Variants in MYCBP2 observed in about 807,000 individuals in gnomAD.
The protein encoded by MYCBP2 is E3 ubiquitin-protein ligase MYCBP2.
A neutral mutation model predicts 525.3 loss-of-function variants in MYCBP2; 120 were observed. The observed-to-expected ratio is 0.23, with a 90% CI of 0.20 to 0.27. The LOEUF (loss-of-function observed/expected upper bound fraction) is 0.27, where lower values mean the gene tolerates loss of function less well. MYCBP2 is among the 10% of genes least tolerant of loss of function. MYCBP2 has a pLI of 1.00. For missense variants in MYCBP2, 4,149 were observed against 5,657.1 expected, an observed-to-expected ratio of 0.73 and a Z score of 8.55; for synonymous variants, 1,894 against 1,955.8, an observed-to-expected ratio of 0.97 and a Z score of 0.83.
chr13:77,166,031 T>C (rs1370385398), intron 41 of MYCBP2, among the ~76,000 whole-genome samples: 1 of 152,190 alleles, frequency 6.6e-6, no homozygotes, highest in East Asian at 1.9e-4. Flanking sequence ...CATTGTTTTC[T>C]ATAATTTGGA....
rs752100545 is a variant in MYCBP2, at chr13:77,257,807, G to A, written c.2040C>T (p.Gly680=). 6.2e-7 allele frequency: 1 copy of A among 1,609,402 alleles called. No individual in the cohort carries two copies. The highest frequency in any genetic ancestry group is 8.5e-7 in the Non-Finnish European group (1 of 1,178,726). The change falls in exon 14 of 83, where the codon GGC becomes GGT. Residue 680 remains glycine, a synonymous_variant. Transcript: ENST00000544440. Reference sequence around the variant, plus strand: ...CCATAGCTACCTGAGTTACAAAATGGCCCTTCAAATCAGTTACCAAACCTA... The same window carrying A: ...CCATAGCTACCTGAGTTACAAAATGACCCTTCAAATCAGTTACCAAACCTA... ...DSSSLVTDLK[G]HFVTQVAMGK...
At chr13:77,138,881 T>A (rs754380849) in intron 52 of MYCBP2, among the ~76,000 whole-genome samples, 4 of 152,190 alleles carry the variant, frequency 2.6e-5, no homozygotes. Context: ...CACAGCTGTA[T>A]AAATAAGAAA....
intron 45 of MYCBP2, among the ~76,000 whole-genome samples, 181 bp downstream of exon 45, chr13:77,157,756 A>AGGGCACTGGG (rs2057388023): frequency 6.6e-6 from 1 of 151,756 alleles, no homozygotes; most frequent in African/African-American, 2.4e-5. Context: ...TCTCTCAAAA[A>AGGGCACTGGG]CAAACAAACA....
At chr13:77,169,484 C>T (rs2058921203) in intron 39 of MYCBP2, 130 bp downstream of exon 39, 1 of 592,936 alleles carries the variant, frequency 1.7e-6, no homozygotes, top group Non-Finnish European at 3.0e-6. Context: ...ATTAGCAGAT[C>T]TATCTCTGCT....
In MYCBP2 at chr13:77,049,033, G is replaced by A. The variant is rs567834616; in HGVS notation, c.13921+1964C>T. Among the ~76,000 whole-genome samples, 12 of 152,204 alleles carry A rather than the reference G, an allele frequency of 7.9e-5. No individual in the cohort carries two copies. In the South Asian group the frequency reaches 1.0e-3, roughly 13 times the overall value. ...CTCCTCCAGGTCATATGGCTACAAC[G>A]TGTGACTGATTTTTCTCTTGGCTCC... On this transcript the variant is annotated intron_variant, in intron 82 of 82. Transcript: ENST00000544440.
intron 56 of MYCBP2, 31 bp from the exon 57 acceptor site, chr13:77,096,512 C>A: frequency 6.2e-7 from 1 of 1,610,492 alleles, no homozygotes; most frequent in Non-Finnish European, 8.5e-7. Context: ...AAATATTTAA[C>A]ACTCCAAGTG....
chr13:77,061,597 T>A, intron 75 of MYCBP2, 65 bp downstream of exon 75: 1 of 1,561,606 alleles, frequency 6.4e-7, no homozygotes, highest in Non-Finnish European at 8.7e-7. Flanking sequence ...ACACAAAGCC[T>A]CTTTCACACA....
intron 1 of MYCBP2, among the ~76,000 whole-genome samples, chr13:77,303,747 T>G (rs2079069036): frequency 6.7e-6 from 1 of 149,886 alleles, no homozygotes; most frequent in African/African-American, 2.4e-5. Context: ...CATCTCCTTT[T>G]GCATACACAT....
Position 77,326,432 on chromosome 13 carries a change from A to G in MYCBP2, c.302+42T>C. On this transcript the variant is annotated intron_variant, in intron 1 of 82. Coordinates refer to ENST00000544440, the MANE Select transcript of MYCBP2 (RefSeq NM_015057.5). This position sits in a 1 kb window ranked among gnomAD's most constrained non-coding sequence, Gnocchi z 4.2. ...GCACGCGCGGCATGGGGCGCAAGGA[A>G]GGGCGGCATGGGGCGCAAGGAAGGG... 2.0e-6 allele frequency: 3 copies of G among 1,498,766 alleles called. No individual in the cohort carries two copies. Among genetic ancestry groups the G allele is most frequent in the South Asian group, 2.6e-5 (2 of 78,418 alleles). The allele number at this position is 1,498,766 out of a possible 1,614,324, so 92.8% of individuals were successfully genotyped here. A position where few individuals can be genotyped will look rare whatever the true frequency, so the allele number is the denominator to read the frequency against.
intron 1 of MYCBP2, among the ~76,000 whole-genome samples, chr13:77,302,003 C>G (rs2078861348): frequency 6.6e-6 from 1 of 151,422 alleles, no homozygotes; most frequent in African/African-American, 2.4e-5. Flanking sequence ...AAATAAATAA[C>G]AGAATTCAAT....
intron 52 of MYCBP2, among the ~76,000 whole-genome samples, chr13:77,130,371 T>C (rs889736522): frequency 2.0e-5 from 3 of 151,730 alleles, no homozygotes; most frequent in African/African-American, 4.8e-5. Flanking sequence ...AATGAGACTT[T>C]ATTTACTGTT....
chr13:77,294,129 T>TATATATATATATATACAC (rs1450128273), intron 2 of MYCBP2, among the ~76,000 whole-genome samples: 6 of 26,132 alleles, frequency 2.3e-4, no homozygotes, highest in African/African-American at 2.5e-4. Context: ...TATATATATA[T>TATATATATATATATACAC]ACATATATAT....
rs1162463033 is a variant in MYCBP2, at chr13:77,139,249, A to G, written c.7606T>C (p.Trp2536Arg). 6.2e-7 allele frequency: 1 copy of G among 1,613,984 alleles called. No homozygotes were observed. Among genetic ancestry groups the G allele is most frequent in the Admixed American group, 1.7e-5 (1 of 60,020 alleles). Residue 2536 changes from tryptophan to arginine, a missense_variant, in exon 52 of 83, where the codon TGG (tryptophan) becomes CGG (arginine). Coordinates refer to ENST00000544440, the MANE Select transcript of MYCBP2 (RefSeq NM_015057.5). Reference sequence around the variant, plus strand: ...AGATGTTGATTAAAAGAGAGGCACCAGGCTTCAGTGTAACCATTCATGTTA... The same window carrying G: ...AGATGTTGATTAAAAGAGAGGCACCGGGCTTCAGTGTAACCATTCATGTTA... ...VPNMNGYTEA[W>R]CLSFNQHLGK...
At chr13:77,282,246 A>G (rs1366353835) in intron 3 of MYCBP2, among the ~76,000 whole-genome samples, 1 of 152,116 alleles carries the variant, frequency 6.6e-6, no homozygotes, top group Non-Finnish European at 1.5e-5. Flanking sequence ...CCCCATCTCT[A>G]CTAAAAATAC....
intron 52 of MYCBP2, among the ~76,000 whole-genome samples, chr13:77,138,604 A>G (rs920733507): frequency 6.6e-6 from 1 of 152,214 alleles, no homozygotes; most frequent in African/African-American, 2.4e-5. Flanking sequence ...TACTTCATGA[A>G]GTAGCAATCT....
At chr13:77,126,121 ATTG>A (rs2051624477) in intron 53 of MYCBP2, among the ~76,000 whole-genome samples, 194 bp downstream of exon 53, 1 of 152,234 alleles carries the variant, frequency 6.6e-6, no homozygotes, top group Non-Finnish European at 1.5e-5. Context: ...TTGTTAATAT[ATTG>A]TTTACACAAG....
chr13:77,289,920 A>G (rs927352181), intron 2 of MYCBP2, among the ~76,000 whole-genome samples: 1 of 152,178 alleles, frequency 6.6e-6, no homozygotes, highest in African/African-American at 2.4e-5. Flanking sequence ...TGTAATTTCA[A>G]AAATAATAGC....
chr13:77,057,834 CTTTTTTTTTTTTT>C (rs11419165), intron 78 of MYCBP2, among the ~76,000 whole-genome samples: 6 of 121,110 alleles, frequency 5.0e-5, no homozygotes, highest in African/African-American at 2.0e-4. Flanking sequence ...CAATCAACTG[CTTTTTTTTTTTTT>C]TTTTTTTTTG....
chr13:77,173,656 C>T (rs930970476), intron 37 of MYCBP2, among the ~76,000 whole-genome samples: 7 of 152,206 alleles, frequency 4.6e-5, no homozygotes, highest in Non-Finnish European at 1.0e-4. Flanking sequence ...AATGCCAAGT[C>T]AGGCTGAGGA....
Sources: allele counts gnomAD v4.1 joint callset (sites outside exome capture counted in the v4.1 genomes callset), GRCh38; gene constraint gnomAD v4.1.1; non-coding constraint Gnocchi (gnomAD v3.1); transcripts MANE v1.5; gene names NCBI Gene and HGNC (gene_info 2026-07-23, HGNC 2026-07-21).